TANC1: variants seen among roughly 807,000 people sequenced by gnomAD.
TANC1 encodes the protein tetratricopeptide repeat, ankyrin repeat and coiled-coil containing 1.
A neutral mutation model predicts 149.7 loss-of-function variants in TANC1; 77 were observed. That is an observed-to-expected ratio of 0.51 (90% confidence interval 0.43 to 0.62). The LOEUF (loss-of-function observed/expected upper bound fraction) is 0.62. TANC1 is among the 20% of genes least tolerant of loss of function. The pLI, the probability that TANC1 is intolerant of heterozygous loss-of-function variation, is 0.00. For synonymous variants in TANC1, 854 were observed against 925.0 expected (o/e 0.92, Z 1.39); for missense variants, 1,985 against 2,321.8 (o/e 0.85, Z 2.98).
intron 2 of TANC1, among the ~76,000 whole-genome samples, chr2:159,019,408 T>C (rs1486851572): frequency 6.6e-6 from 1 of 152,322 alleles, no homozygotes; most frequent in Middle Eastern, 3.4e-3. Context: ...TCCTTATTTA[T>C]GTGTAACCTC....
chr2:158,972,247 C>T (rs1457969932), intron 1 of TANC1, among the ~76,000 whole-genome samples: 2 of 152,168 alleles, frequency 1.3e-5, no homozygotes, highest in Admixed American at 1.3e-4. Context: ...CAAATCTGTA[C>T]CTCTTTTTAA....
chr2:159,106,273 C>A (rs373017267), intron 4 of TANC1, among the ~76,000 whole-genome samples: 1 of 146,570 alleles, frequency 6.8e-6, no homozygotes, highest in Non-Finnish European at 1.5e-5. Context: ...AGCAAAAAAA[C>A]CCCATACCCG....
chr2:158,999,170 G>T (rs756201144), intron 1 of TANC1, among the ~76,000 whole-genome samples: 1 of 152,164 alleles, frequency 6.6e-6, no homozygotes, highest in Non-Finnish European at 1.5e-5. Flanking sequence ...TTTCTGAGGA[G>T]GTCAGAGTGA....
rs1559471611 is a variant in TANC1, at chr2:159,214,140, A to AGG, written c.3245-3357_3245-3356insGG. ...ATCCTGTCTCAAAAAAAAAAAAAAA[A>AGG]AGGGGGAATTTAGTAACAGCAAATG... On this transcript the variant is annotated intron_variant, in intron 19 of 26. Coordinates refer to ENST00000263635, the MANE Select transcript of TANC1 (RefSeq NM_033394.3). Among the ~76,000 whole-genome samples the AGG allele has an allele frequency of 8.8e-5, 4 of 45,378 alleles. No individual in the cohort carries two copies. The East Asian group carries it at 3.9e-3, about 44-fold the overall frequency. The allele number at this position is 45,378 out of a possible 152,430, so 29.8% of individuals were successfully genotyped here.
intron 2 of TANC1, among the ~76,000 whole-genome samples, chr2:159,024,494 T>TA (rs1413089525): frequency 1.2e-4 from 18 of 152,200 alleles, no homozygotes; most frequent in African/African-American, 4.3e-4. Context: ...CTCATGCCTA[T>TA]AATCCCAGCA....
chr2:159,229,986 GC>G lies in TANC1; in HGVS notation c.4562del (p.Pro1521GlnfsTer14). 6.2e-7 allele frequency: 1 copy of G among 1,614,070 alleles called. No individual in the cohort carries two copies. Among genetic ancestry groups the G allele is most frequent in the Non-Finnish European group, 8.5e-7 (1 of 1,180,046 alleles). ...GKSLREPVAQ[P>X]GLLLQPSKQA... Reference sequence around the variant, plus strand: ...AGTCCCTGAGAGAGCCTGTGGCCCAGCCAGGGCTGCTCCTGCAGCCCTCCAA... The same window carrying G: ...AGTCCCTGAGAGAGCCTGTGGCCCAGCAGGGCTGCTCCTGCAGCCCTCCAA... On this transcript the variant is annotated frameshift_variant, in exon 27 of 27. Coordinates refer to ENST00000263635, the MANE Select transcript of TANC1 (RefSeq NM_033394.3). LOFTEE classifies it low-confidence loss of function (END_TRUNC).
intron 3 of TANC1, among the ~76,000 whole-genome samples, chr2:159,089,568 C>G (rs1311917884): frequency 6.6e-6 from 1 of 152,198 alleles, no homozygotes; most frequent in African/African-American, 2.4e-5. Context: ...CTCTTTCCCT[C>G]TTTCCTCCCT....
intron 7 of TANC1, among the ~76,000 whole-genome samples, chr2:159,154,026 C>G (rs2053159764): frequency 6.6e-6 from 1 of 152,136 alleles, no homozygotes; most frequent in Non-Finnish European, 1.5e-5. Flanking sequence ...CTGGAGAAGG[C>G]AGGAAGAGGC....
At chr2:159,039,479 G>A (rs573575196) in intron 2 of TANC1, among the ~76,000 whole-genome samples, 1 of 152,088 alleles carries the variant, frequency 6.6e-6, no homozygotes, top group Non-Finnish European at 1.5e-5. Flanking sequence ...GCTTTCTCCT[G>A]TGGGCATTTA....
chr2:159,191,285 T>C (rs1443228456), intron 16 of TANC1, among the ~76,000 whole-genome samples: 1 of 152,202 alleles, frequency 6.6e-6, no homozygotes, highest in Non-Finnish European at 1.5e-5. Flanking sequence ...CTGTTTGCCT[T>C]TCTTCTCTGT....
chr2:159,039,571 C>T (rs899428763), intron 2 of TANC1, among the ~76,000 whole-genome samples: 3 of 152,088 alleles, frequency 2.0e-5, no homozygotes, highest in Admixed American at 6.5e-5. Flanking sequence ...TCATTGGTTT[C>T]AAAAAACGTC....
intron 2 of TANC1, among the ~76,000 whole-genome samples, chr2:159,064,412 T>C (rs564898442): frequency 6.6e-6 from 1 of 152,374 alleles, no homozygotes; most frequent in African/African-American, 2.4e-5. Context: ...TATGGCTTTT[T>C]CCAAATTCTG....
At chr2:158,978,709 G>GT (rs1156723589) in intron 1 of TANC1, among the ~76,000 whole-genome samples, 1 of 152,168 alleles carries the variant, frequency 6.6e-6, no homozygotes, top group Non-Finnish European at 1.5e-5. Context: ...GGGCTCTGTA[G>GT]TGCTTAGCTG....
intron 2 of TANC1, among the ~76,000 whole-genome samples, chr2:159,013,912 G>A (rs2038016440): frequency 6.6e-6 from 1 of 152,128 alleles, no homozygotes; most frequent in Admixed American, 6.5e-5. Context: ...TCTGTCCTGG[G>A]CCTCGCTCCT....
chr2:159,164,077 G>A (rs914897124), intron 8 of TANC1, among the ~76,000 whole-genome samples: 6 of 152,052 alleles, frequency 3.9e-5, no homozygotes, highest in Non-Finnish European at 5.9e-5. Context: ...GAAAATATTC[G>A]AGATAGACAT....
intron 19 of TANC1, 133 bp downstream of exon 19, chr2:159,199,186 G>C (rs771118335): frequency 4.6e-5 from 29 of 630,634 alleles, no homozygotes; most frequent in Non-Finnish European, 7.1e-5. Flanking sequence ...TTGAAGTTTA[G>C]AGCTCCTTGA....
At chr2:159,064,137 A>G (rs1466145701) in intron 2 of TANC1, among the ~76,000 whole-genome samples, 1 of 152,110 alleles carries the variant, frequency 6.6e-6, no homozygotes, top group Non-Finnish European at 1.5e-5. Context: ...TTTATTATTA[A>G]CTTTTACTAC....
Position 159,119,334 on chromosome 2 carries a change from A to G in TANC1, c.260-16860A>G, listed in dbSNP as rs184506095. 7.2e-5 allele frequency among the ~76,000 whole-genome samples: 11 copies of G among 152,320 alleles called. No individual in the cohort carries two copies. In the East Asian group the frequency reaches 2.1e-3, roughly 29 times the overall value. On this transcript the variant is annotated intron_variant, in intron 4 of 26. Transcript: ENST00000263635. ...CCATTGTTTACACCCACTCTTCAGAACCAGTGGAGGTGGGGGAGTTGGGAA... is the reference window on the plus strand; with the variant it reads ...CCATTGTTTACACCCACTCTTCAGAGCCAGTGGAGGTGGGGGAGTTGGGAA...
At chr2:159,080,133 A>G (rs1458198333) in intron 3 of TANC1, among the ~76,000 whole-genome samples, 1 of 151,966 alleles carries the variant, frequency 6.6e-6, no homozygotes, top group Non-Finnish European at 1.5e-5. Flanking sequence ...TCCCCGAGCT[A>G]AGTCCCAGGG....
Sources: gnomAD v4.1 joint callset for allele counts (sites outside exome capture counted in the v4.1 genomes callset) on GRCh38, gnomAD v4.1.1 for gene constraint, MANE v1.5 for transcripts, NCBI Gene and HGNC (gene_info 2026-07-23, HGNC 2026-07-21) for gene names.